KPNA6: variants seen among roughly 807,000 people sequenced by gnomAD.
KPNA6 encodes karyopherin subunit alpha 6, also known as importin subunit alpha-7.
Under a neutral mutation model 72.0 loss-of-function variants are expected in KPNA6, and 9 were observed. That is an observed-to-expected ratio of 0.13 (90% CI 0.08 to 0.22). The LOEUF is 0.22. KPNA6 is among the 10% of genes least tolerant of loss of function. The pLI is 1.00. For synonymous variants in KPNA6, 219 were observed against 242.1 expected (o/e 0.90, Z 0.89); for missense variants, 374 against 655.7 (o/e 0.57, Z 4.69).
chr1:32,152,486 A>G (rs1197761739), intron 1 of KPNA6, among the ~76,000 whole-genome samples: 1 of 152,240 alleles, frequency 6.6e-6, no homozygotes, highest in African/African-American at 2.4e-5. Context: ...TTAGATATTT[A>G]GGACTGAATT....
chr1:32,119,628 T>G (rs1444031693), intron 1 of KPNA6, among the ~76,000 whole-genome samples: 1 of 152,190 alleles, frequency 6.6e-6, no homozygotes, highest in Non-Finnish European at 1.5e-5. Flanking sequence ...GGGACAACCC[T>G]ATTTCCTGGC....
rs1642426357 is a variant in KPNA6 at position 32,171,011 on chromosome 1, C to T, written c.*117C>T. 2.3e-6 allele frequency: 2 copies of T among 873,426 alleles called. No individual in the cohort carries two copies. Among genetic ancestry groups the T allele is most frequent in the South Asian group, 1.6e-5 (1 of 63,888 alleles). The allele number at this position is 873,426 out of a possible 1,614,324, so 54.1% of individuals were successfully genotyped here. The stretch of plus-strand genomic sequence containing the variant: ...TCAGCCACCACACACCTCTGCTGCC[C>T]TGGAGACTGTGCTCTTGACCTGCTC... On this transcript the variant is annotated 3_prime_UTR_variant, in exon 14 of 14. Coordinates refer to ENST00000373625, the MANE Select transcript of KPNA6 (RefSeq NM_012316.5).
At chr1:32,149,492 T>C (rs1252324402) in intron 1 of KPNA6, among the ~76,000 whole-genome samples, 2 of 152,166 alleles carry the variant, frequency 1.3e-5, no homozygotes, top group East Asian at 3.8e-4. Flanking sequence ...TCCCGAAGTA[T>C]TGGGATTATA....
chr1:32,126,466 C>T (rs1221852501), intron 1 of KPNA6, among the ~76,000 whole-genome samples: 1 of 152,120 alleles, frequency 6.6e-6, no homozygotes, highest in Admixed American at 6.6e-5. Flanking sequence ...CTCACTGCAA[C>T]CTCTGCCTCC....
intron 1 of KPNA6, among the ~76,000 whole-genome samples, chr1:32,141,297 G>A (rs1326747323): frequency 7.0e-6 from 1 of 143,346 alleles, no homozygotes; most frequent in East Asian, 2.0e-4. Flanking sequence ...TGGCAATCTT[G>A]CTACTCACTA....
chr1:32,149,111 A>G (rs1180261886), intron 1 of KPNA6, among the ~76,000 whole-genome samples: 1 of 151,784 alleles, frequency 6.6e-6, no homozygotes, highest in African/African-American at 2.4e-5. Context: ...CAAGTTTGCT[A>G]CTTTTTTTTC....
At chr1:32,154,807 T>A in intron 2 of KPNA6, 86 bp downstream of exon 2, 1 of 1,436,574 alleles carries the variant, frequency 7.0e-7, no homozygotes, top group South Asian at 1.3e-5. Flanking sequence ...TGACTTGCCC[T>A]GTAGAAAAGT....
Position 32,162,369 on chromosome 1 carries a change from T to C in KPNA6, c.756T>C (p.Pro252=), listed in dbSNP as rs763836789. The C allele has an allele frequency of 2.4e-5, 39 of 1,595,506 alleles. No homozygotes were observed. In the South Asian group the frequency reaches 4.4e-4, roughly 18 times the overall value. Residue 252 remains proline (P), a synonymous_variant, in exon 9 of 14, where the codon CCT becomes CCC. Transcript: ENST00000373625. ...NPPPEFAKVS[P]CLPVLSRLLF... ...CACTCTGCTTCCCACAGGTCTCTCC[T>C]TGTTTGCCTGTACTGTCTCGCCTAC...
At chr1:32,139,852 T>C (rs376877823) in intron 1 of KPNA6, among the ~76,000 whole-genome samples, 1 of 152,368 alleles carries the variant, frequency 6.6e-6, no homozygotes, top group Non-Finnish European at 1.5e-5. Context: ...TAGTTGATCA[T>C]TGAATCTGGA....
intron 1 of KPNA6, among the ~76,000 whole-genome samples, chr1:32,138,543 CAAAAAAAAA>C (rs563911504): frequency 6.1e-5 from 3 of 48,940 alleles, no homozygotes; most frequent in African/African-American, 1.2e-4. Context: ...AACTCCATCT[CAAAAAAAAA>C]AAAAAAAAAA....
At chr1:32,167,100 G>T in intron 11 of KPNA6, 69 bp from the exon 12 acceptor site, 1 of 1,565,786 alleles carries the variant, frequency 6.4e-7, no homozygotes, top group Non-Finnish European at 8.7e-7. Context: ...GCTGATTTGG[G>T]GACTAGATTT....
At position 32,108,142 on chromosome 1, in the gene KPNA6, A is replaced by G; in HGVS notation, c.4+8A>G. The G allele has an allele frequency of 6.2e-7, 1 of 1,614,054 alleles. No individual in the cohort carries two copies. Among genetic ancestry groups the G allele is most frequent in the East Asian group, 2.2e-5 (1 of 44,880 alleles). On this transcript the variant is annotated splice_region_variant and intron_variant, in intron 1 of 13. Transcript: ENST00000373625. Reference sequence around the variant, plus strand: ...CGAGCGGACCCGCGATGGGTGAGTGAGGAAACCACGCAGTAGGGTTCTTGG... The same window carrying G: ...CGAGCGGACCCGCGATGGGTGAGTGGGGAAACCACGCAGTAGGGTTCTTGG...
intron 12 of KPNA6, among the ~76,000 whole-genome samples, chr1:32,167,853 CA>C (rs376077938): frequency 0.039 from 3,147 of 80,040 alleles, 42 homozygotes; most frequent in Middle Eastern, 0.2. Flanking sequence ...GAGTCTGTCA[CA>C]AAAAAAAAAA....
intron 1 of KPNA6, among the ~76,000 whole-genome samples, chr1:32,124,254 TC>T (rs1178188441): frequency 6.6e-6 from 1 of 151,702 alleles, no homozygotes; most frequent in Admixed American, 6.6e-5. Context: ...GCACCTGCAG[TC>T]CCAACTACTT....
At chr1:32,120,802 A>G (rs1032629019) in intron 1 of KPNA6, among the ~76,000 whole-genome samples, 3 of 151,304 alleles carry the variant, frequency 2.0e-5, no homozygotes, top group African/African-American at 7.3e-5. Flanking sequence ...ACCTGACCTC[A>G]GGTGATCCTC....
chr1:32,115,451 A>G (rs1410193020), intron 1 of KPNA6, among the ~76,000 whole-genome samples: 1 of 151,478 alleles, frequency 6.6e-6, no homozygotes, highest in Non-Finnish European at 1.5e-5. Flanking sequence ...TTTTTTTAAG[A>G]TAGGGTTTTT....
chr1:32,170,592 T>C (rs1288043180), intron 13 of KPNA6, 115 bp from the exon 14 acceptor site: 2 of 798,168 alleles, frequency 2.5e-6, no homozygotes. Context: ...GATCTGATCA[T>C]ATGACTTGTG....
chr1:32,170,775 A>C lies in KPNA6; in HGVS notation c.1492A>C (p.Ile498Leu). 1 of 1,614,218 alleles carries C rather than the reference A, an allele frequency of 6.2e-7. No individual in the cohort carries two copies. The highest frequency in any genetic ancestry group is 8.5e-7 in the Non-Finnish European group (1 of 1,180,034). ...GATCTACCAGAAGGCCTTCGACCTCATTGAGCACTACTTTGGTGTAGAAGA... is the reference window on the plus strand; with the variant it reads ...GATCTACCAGAAGGCCTTCGACCTCCTTGAGCACTACTTTGGTGTAGAAGA... Reference protein sequence around the residue: ...QEIYQKAFDLIEHYFGVEDDD... With the variant: ...QEIYQKAFDLLEHYFGVEDDD... The change falls in exon 14 of 14, where the codon ATT becomes CTT. Residue 498 changes from isoleucine (I) to leucine (L), a missense_variant. Around this residue, in one of 3 missense-constraint regions of KPNA6, gnomAD observed 42 missense variants for 49.8 expected, o/e 0.84. Coordinates refer to ENST00000373625, the MANE Select transcript of KPNA6 (RefSeq NM_012316.5).
At chr1:32,126,078 G>A (rs1267352824) in intron 1 of KPNA6, among the ~76,000 whole-genome samples, 2 of 150,280 alleles carry the variant, frequency 1.3e-5, no homozygotes, top group Non-Finnish European at 3.0e-5. Context: ...TAGAGATTGG[G>A]TCTTGCTTAG....
Sources: gnomAD v4.1 joint callset for allele counts (sites outside exome capture counted in the v4.1 genomes callset) on GRCh38, gnomAD v4.1.1 for gene constraint, gnomAD v4.1.1 regional missense constraint, MANE v1.5 for transcripts, NCBI Gene and HGNC (gene_info 2026-07-23, HGNC 2026-07-21) for gene names.